The following MAML2 variants were observed in gnomAD, a reference collection of about 807,000 sequenced individuals.
The protein encoded by MAML2 is mastermind-like protein 2.
Under a neutral mutation model 96.1 loss-of-function variants are expected in MAML2, and 22 were observed. The observed-to-expected ratio is 0.23, with a 90% CI of 0.16 to 0.33. MAML2 has a LOEUF of 0.33. Ranked by LOEUF, MAML2 falls within the 10% of genes least tolerant of loss-of-function variation. MAML2 has a pLI of 1.00. For synonymous variants in MAML2, 561 were observed against 521.3 expected, an observed-to-expected ratio of 1.08 and a Z score of -1.04; for missense variants, 1,367 against 1,392.4, an observed-to-expected ratio of 0.98 and a Z score of 0.29.
In MAML2 at chr11:95,979,064, C is replaced by T. The variant is rs1439896310; in HGVS notation, c.3355G>A (p.Gly1119Ser). 5.0e-6 allele frequency: 8 copies of T among 1,613,942 alleles called. No homozygotes were observed. Among genetic ancestry groups the T allele is most frequent in the Non-Finnish European group, 5.9e-6 (7 of 1,179,884 alleles). The change falls in exon 5 of 5, where the codon GGC (glycine) becomes AGC (serine). Residue 1119 changes from glycine (G) to serine (S), a missense_variant. Transcript: ENST00000524717. Reference sequence around the variant, plus strand: ...TCAGCATCACTGTTTAGGGCAGGGCCCATGTTATCATTTTGTTGGCTGAGG... The same window carrying T: ...TCAGCATCACTGTTTAGGGCAGGGCTCATGTTATCATTTTGTTGGCTGAGG... Reference protein sequence around the residue: ...DFLSQQNDNMGPALNSDADFI... With the variant: ...DFLSQQNDNMSPALNSDADFI...
intron 1 of MAML2, among the ~76,000 whole-genome samples, chr11:96,296,056 G>A: frequency 6.6e-6 from 1 of 151,330 alleles, no homozygotes; most frequent in East Asian, 1.9e-4. Flanking sequence ...ATTTTTTAAA[G>A]TACATTTTCT....
At chr11:96,241,683 A>G (rs1305398214) in intron 1 of MAML2, among the ~76,000 whole-genome samples, 1 of 152,226 alleles carries the variant, frequency 6.6e-6, no homozygotes, top group East Asian at 1.9e-4. Flanking sequence ...TCCCTGGGAC[A>G]GTGTTGATTG....
intron 1 of MAML2, among the ~76,000 whole-genome samples, chr11:96,294,291 G>A (rs905023659): frequency 1.3e-5 from 2 of 150,818 alleles, no homozygotes; most frequent in African/African-American, 4.9e-5. Context: ...AAACAAGAAT[G>A]TTCTCATGTC....
chr11:96,124,634 T>C (rs1860408120), intron 1 of MAML2, among the ~76,000 whole-genome samples: 1 of 152,166 alleles, frequency 6.6e-6, no homozygotes, highest in Non-Finnish European at 1.5e-5. Flanking sequence ...CTCCTTATCA[T>C]CATCATCATC....
intron 1 of MAML2, among the ~76,000 whole-genome samples, chr11:96,114,681 A>T (rs1860204135): frequency 6.6e-6 from 1 of 152,234 alleles, no homozygotes; most frequent in South Asian, 2.1e-4. Context: ...TGAATACTGA[A>T]AAGTGTTGCC....
intron 1 of MAML2, among the ~76,000 whole-genome samples, chr11:96,098,584 G>T (rs936265543): frequency 1.3e-5 from 2 of 152,224 alleles, no homozygotes; most frequent in African/African-American, 4.8e-5. Context: ...AGATGACACA[G>T]AAATCACTGT....
intron 1 of MAML2, among the ~76,000 whole-genome samples, chr11:96,189,650 A>G (rs990264003): frequency 6.6e-6 from 1 of 152,250 alleles, no homozygotes; most frequent in African/African-American, 2.4e-5. Flanking sequence ...GTGGACATAC[A>G]ACATAAGCTA....
At chr11:96,134,865 C>A (rs1860602435) in intron 1 of MAML2, among the ~76,000 whole-genome samples, 1 of 152,200 alleles carries the variant, frequency 6.6e-6, no homozygotes, top group South Asian at 2.1e-4. Flanking sequence ...AACTCTCCTT[C>A]TAAAAGTCGA....
intron 1 of MAML2, among the ~76,000 whole-genome samples, chr11:96,144,155 G>A (rs1398077684): frequency 1.3e-5 from 2 of 152,158 alleles, no homozygotes; most frequent in African/African-American, 4.8e-5. Context: ...TCTCAATTCT[G>A]CAGCCTAACT....
Position 96,228,076 on chromosome 11 carries a change from TG to T in MAML2, c.513+113306del, listed in dbSNP as rs377228054. Among the ~76,000 whole-genome samples, 45 of 152,250 alleles carry T rather than the reference TG, an allele frequency of 3.0e-4. No homozygotes were observed. The East Asian group carries it at 7.3e-3, about 25-fold the overall frequency. Reference sequence around the variant, plus strand: ...GAAACAGTGCCACTGCACTCCAGCCTGGGGGGAGAAAAAGGGAACACTACAA... The same window carrying T: ...GAAACAGTGCCACTGCACTCCAGCCTGGGGGAGAAAAAGGGAACACTACAA... On this transcript the variant is annotated intron_variant, in intron 1 of 4. Transcript: ENST00000524717.
chr11:96,241,944 AG>A (rs1862443723), intron 1 of MAML2, among the ~76,000 whole-genome samples: 1 of 152,204 alleles, frequency 6.6e-6, no homozygotes, highest in Non-Finnish European at 1.5e-5. Flanking sequence ...TATTCAGTTC[AG>A]GGTTCAGCAA....
chr11:96,204,195 G>A (rs1861865259), intron 1 of MAML2, among the ~76,000 whole-genome samples: 1 of 152,070 alleles, frequency 6.6e-6, no homozygotes, highest in South Asian at 2.1e-4. Context: ...CACTTGGAGG[G>A]GCAAATGGAA....
chr11:96,160,920 C>T (rs535020046), intron 1 of MAML2, among the ~76,000 whole-genome samples: 3 of 152,344 alleles, frequency 2.0e-5, no homozygotes, highest in Admixed American at 6.5e-5. Flanking sequence ...CCAGAGTCCC[C>T]GCCCTCTGCG....
chr11:95,990,823 A>T (rs994586749), intron 3 of MAML2, among the ~76,000 whole-genome samples: 8 of 152,244 alleles, frequency 5.3e-5, no homozygotes, highest in African/African-American at 1.9e-4. Context: ...TTGGCCAAAT[A>T]GTTTGAAGGG....
intron 1 of MAML2, among the ~76,000 whole-genome samples, chr11:96,257,590 A>G (rs1364417849): frequency 2.0e-5 from 3 of 152,230 alleles, no homozygotes; most frequent in Admixed American, 6.5e-5. Context: ...TCTTCATTAT[A>G]GAGAAAAACC....
chr11:96,337,715 G>T (rs1008495166), intron 1 of MAML2, among the ~76,000 whole-genome samples: 1 of 152,154 alleles, frequency 6.6e-6, no homozygotes, highest in African/African-American at 2.4e-5. Flanking sequence ...ATTTAAAACC[G>T]ACAACTGAAA....
chr11:96,015,641 T>G (rs76743794), intron 2 of MAML2, among the ~76,000 whole-genome samples: 228 of 148,048 alleles, frequency 1.5e-3, no homozygotes, highest in Non-Finnish European at 1.9e-3. Flanking sequence ...TACCAAAATG[T>G]GTAGAAGATC....
At chr11:96,073,237 G>C (rs919338568) in intron 2 of MAML2, among the ~76,000 whole-genome samples, 3 of 151,850 alleles carry the variant, frequency 2.0e-5, no homozygotes, top group Admixed American at 2.0e-4. Context: ...CTTTTGTTTG[G>C]CATTTACAGT....
chr11:96,333,535 C>T (rs559002617), intron 1 of MAML2, among the ~76,000 whole-genome samples: 1 of 152,294 alleles, frequency 6.6e-6, no homozygotes, highest in South Asian at 2.1e-4. Context: ...GCTTTGAACC[C>T]TTGGCAACAT....
Sources: allele counts gnomAD v4.1 joint callset (sites outside exome capture counted in the v4.1 genomes callset), GRCh38; gene constraint gnomAD v4.1.1; transcripts MANE v1.5; gene names NCBI Gene and HGNC (gene_info 2026-07-23, HGNC 2026-07-21).